Variants in CAPRIN2 observed in about 807,000 individuals in gnomAD.
CAPRIN2 encodes caprin family member 2, also known as caprin-2.
A neutral mutation model predicts 130.4 loss-of-function variants in CAPRIN2; 66 were observed. The ratio of observed to expected loss-of-function variants is 0.51; its 90% CI spans 0.42 to 0.62. The LOEUF (loss-of-function observed/expected upper bound fraction) is 0.62, where lower values mean the gene tolerates loss of function less well. Among genes scored for constraint, CAPRIN2 ranks in the 20% least tolerant of loss-of-function variants. The probability of loss-of-function intolerance (pLI) is 0.00; values close to 1 mark genes in which losing one functional copy is unlikely to be tolerated. For missense variants in CAPRIN2, 1,185 were observed against 1,246.6 expected, an observed-to-expected ratio of 0.95 and a Z score of 0.74; for synonymous variants, 471 against 444.1, an observed-to-expected ratio of 1.06 and a Z score of -0.76.
chr12:30,726,206 A>G (rs2060880040), intron 8 of CAPRIN2, 118 bp from the exon 10 acceptor site: 1 of 835,882 alleles, frequency 1.2e-6, no homozygotes, highest in Non-Finnish European at 1.6e-6. Context: ...CACTTATCAC[A>G]GGTAAAGAAT....
chr12:30,742,908 C>G (rs541186524), intron 2 of CAPRIN2, among the ~76,000 whole-genome samples: 2 of 152,092 alleles, frequency 1.3e-5, no homozygotes, highest in African/African-American at 4.8e-5. Context: ...CTTCCTGCTA[C>G]AGAAACAAGA....
At chr12:30,746,671 A>G (rs1379075744) in intron 2 of CAPRIN2, among the ~76,000 whole-genome samples, 1 of 152,242 alleles carries the variant, frequency 6.6e-6, no homozygotes, top group Admixed American at 6.5e-5. Context: ...GTCAAAACCT[A>G]GTCTAGAACA....
At chr12:30,754,442 C>G (rs1209629319) in exon 1 of CAPRIN2, 1 of 152,800 alleles carries the variant, frequency 6.5e-6, no homozygotes, top group Non-Finnish European at 1.5e-5. Flanking sequence ...CGCGCACCCC[C>G]TCAAGTCTCC....
rs927036348 is a variant in CAPRIN2 at position 30,709,725 on chromosome 12, T to A, written c.*177A>T. 3 of 618,380 alleles carry A rather than the reference T, an allele frequency of 4.9e-6. No individual in the cohort carries two copies. The East Asian group carries it at 8.4e-5, about 17-fold the overall frequency. 38.3% of individuals were successfully genotyped at this position (618,380 alleles called of 1,614,324 possible). The stretch of plus-strand genomic sequence containing the variant: ...AATTTATAAAGTGCCAGATTAGTGC[T>A]AATTGTCATTCAGCTTGATTTTTCA... On this transcript the variant is annotated 3_prime_UTR_variant, in exon 17 of 17. Transcript: ENST00000298892.
intron 3 of CAPRIN2, among the ~76,000 whole-genome samples, chr12:30,737,069 G>A (rs12320609): frequency 0.3 from 45,270 of 151,822 alleles, 6,967 homozygotes; most frequent in East Asian, 0.4. Flanking sequence ...CAGTGGCACA[G>A]TCAAGGTTCA....
chr12:30,726,294 T>C (rs2060901983), intron 8 of CAPRIN2, among the ~76,000 whole-genome samples: 1 of 152,232 alleles, frequency 6.6e-6, no homozygotes, highest in Non-Finnish European at 1.5e-5. Flanking sequence ...GAACTCTTTC[T>C]AAAACACAAA....
At chr12:30,735,021 G>C in exon 4 of CAPRIN2, 1 of 1,614,120 alleles carries the variant, frequency 6.2e-7, no homozygotes. Flanking sequence ...TAATGAGGTA[G>C]TCAAGTTCTT....
At chr12:30,731,908 T>C (rs535935848) in intron 5 of CAPRIN2, among the ~76,000 whole-genome samples, 1 of 152,170 alleles carries the variant, frequency 6.6e-6, no homozygotes, top group Admixed American at 6.5e-5. Context: ...AAGTCATTTT[T>C]CCTATCTGCT....
intron 5 of CAPRIN2, among the ~76,000 whole-genome samples, chr12:30,732,880 A>G (rs1008235889): frequency 2.0e-5 from 3 of 152,144 alleles, no homozygotes; most frequent in Non-Finnish European, 2.9e-5. Flanking sequence ...GCTTAGCGTT[A>G]TAAGTGTATG....
intron 2 of CAPRIN2, among the ~76,000 whole-genome samples, chr12:30,750,353 G>A (rs1249631797): frequency 6.6e-6 from 1 of 152,170 alleles, no homozygotes; most frequent in African/African-American, 2.4e-5. Context: ...TCAAATAAAT[G>A]TGTCCCTTCT....
chr12:30,723,598 C>G (rs1045595543), intron 10 of CAPRIN2, among the ~76,000 whole-genome samples: 1 of 151,956 alleles, frequency 6.6e-6, no homozygotes, highest in South Asian at 2.1e-4. Context: ...TTAAAAATAA[C>G]TGATAATAGT....
chr12:30,747,049 T>A lies in CAPRIN2; in HGVS notation c.483+4022A>T, dbSNP rs185747765. ...GTTAGGGTCTAATGCAGCTGATGAC[T>A]TTAAGGCCAATACTCATTTACAATT... On this transcript the variant is annotated intron_variant, in intron 2 of 16. Coordinates refer to ENST00000298892, the Ensembl canonical transcript of CAPRIN2. Among the ~76,000 whole-genome samples, 93 of 152,268 alleles carry A rather than the reference T, an allele frequency of 6.1e-4. 2 individuals are homozygous for A. The highest frequency in any genetic ancestry group is 2.1e-3 in the African/African-American group (88 of 41,544).
intron 3 of CAPRIN2, among the ~76,000 whole-genome samples, chr12:30,737,495 A>C (rs1243986821): frequency 6.6e-6 from 1 of 152,190 alleles, no homozygotes; most frequent in Non-Finnish European, 1.5e-5. Context: ...TCTTTAGATG[A>C]AAATTAGAAA....
At chr12:30,745,570 A>G (rs949639608) in intron 2 of CAPRIN2, among the ~76,000 whole-genome samples, 2 of 152,314 alleles carry the variant, frequency 1.3e-5, no homozygotes, top group South Asian at 2.1e-4. Flanking sequence ...AAAGAAGAAA[A>G]TCAAACTAAA....
rs760951533 is a variant in CAPRIN2, at chr12:30,717,732, T to G, written c.2149-1056A>C. ...TATACAAGGGTAAGGGGTCTTTTTT[T>G]CAAAAACTAAAGATGAATGAAATAT... is the stretch of plus-strand genomic sequence containing the variant. On this transcript the variant is annotated intron_variant, in intron 12 of 16. Coordinates refer to ENST00000298892, the Ensembl canonical transcript of CAPRIN2. Among the ~76,000 whole-genome samples the G allele has an allele frequency of 2.2e-4, 33 of 152,126 alleles. 1 individual carries two copies. Among genetic ancestry groups the G allele is most frequent in the Admixed American group, 1.3e-4 (2 of 15,264 alleles).
rs75364693 is a variant in CAPRIN2 at position 30,747,862 on chromosome 12, T to C, written c.483+3209A>G. Among the ~76,000 whole-genome samples, 301 of 152,156 alleles carry C rather than the reference T, an allele frequency of 2.0e-3. 1 individual carries two copies. The highest frequency in any genetic ancestry group is 6.7e-3 in the African/African-American group (279 of 41,520). On this transcript the variant is annotated intron_variant, in intron 2 of 16. Coordinates refer to ENST00000298892, the Ensembl canonical transcript of CAPRIN2. ...TCAAAATATCAACATGAACAGGAGT[T>C]TGGGAAAAGCTGACTCTAACACTCG...
At chr12:30,741,883 A>C (rs1280435971) in intron 2 of CAPRIN2, among the ~76,000 whole-genome samples, 1 of 152,184 alleles carries the variant, frequency 6.6e-6, no homozygotes, top group Non-Finnish European at 1.5e-5. Context: ...GCCCAAAATG[A>C]AAACAATCCA....
intron 8 of CAPRIN2, among the ~76,000 whole-genome samples, chr12:30,727,700 G>T (rs1170155212): frequency 2.6e-5 from 4 of 152,206 alleles, no homozygotes; most frequent in South Asian, 2.1e-4. Context: ...ATCCTTAAAA[G>T]AATGTGGCCT....
chr12:30,751,241 T>C (rs1159048158), intron 1 of CAPRIN2, 108 bp from the exon 3 acceptor site: 4 of 845,232 alleles, frequency 4.7e-6, no homozygotes, highest in South Asian at 1.4e-5. Flanking sequence ...AAGTAAGCTA[T>C]CAATCTGCAA....
Sources: gnomAD v4.1 joint callset for allele counts (sites outside exome capture counted in the v4.1 genomes callset) on GRCh38, gnomAD v4.1.1 for gene constraint, MANE v1.5 for transcripts, NCBI Gene and HGNC (gene_info 2026-07-23, HGNC 2026-07-21) for gene names.